LRRC8B: variants seen among roughly 807,000 people sequenced by gnomAD.
LRRC8B encodes the protein leucine rich repeat containing 8 VRAC subunit B, also known as volume-regulated anion channel subunit LRRC8B.
A neutral mutation model predicts 58.8 loss-of-function variants in LRRC8B; 23 were observed. The observed-to-expected ratio is 0.39, with a 90% CI of 0.28 to 0.55. LRRC8B has a LOEUF of 0.55. Among genes scored for constraint, LRRC8B ranks in the 20% least tolerant of loss-of-function variants. LRRC8B has a pLI of 0.62. For missense variants in LRRC8B, 694 were observed against 936.0 expected, an observed-to-expected ratio of 0.74 and a Z score of 3.37; for synonymous variants, 359 against 374.1, an observed-to-expected ratio of 0.96 and a Z score of 0.47.
intron 1 of LRRC8B, among the ~76,000 whole-genome samples, chr1:89,535,526 T>C (rs940645426): frequency 6.6e-6 from 1 of 152,150 alleles, no homozygotes; most frequent in Admixed American, 6.5e-5. Context: ...CCCTCTTTTA[T>C]AAAAACAACA....
chr1:89,568,979 C>T (rs1022755996), intron 3 of LRRC8B, among the ~76,000 whole-genome samples: 1 of 152,172 alleles, frequency 6.6e-6, no homozygotes, highest in Non-Finnish European at 1.5e-5. Flanking sequence ...TACTCTGTTG[C>T]TTTCTGCAAA....
At chr1:89,572,176 T>C (rs1653521107) in intron 3 of LRRC8B, among the ~76,000 whole-genome samples, 1 of 152,228 alleles carries the variant, frequency 6.6e-6, no homozygotes, top group Admixed American at 6.5e-5. Context: ...ACCCCTAATG[T>C]CTTCTGGCTG....
At chr1:89,552,212 GCTT>G (rs1651877130) in intron 1 of LRRC8B, among the ~76,000 whole-genome samples, 1 of 152,070 alleles carries the variant, frequency 6.6e-6, no homozygotes, top group African/African-American at 2.4e-5. Flanking sequence ...ATAATACTAA[GCTT>G]ACTCAAATCC....
At chr1:89,563,793 C>T (rs866139851) in intron 1 of LRRC8B, among the ~76,000 whole-genome samples, 57 of 152,208 alleles carry the variant, frequency 3.7e-4, no homozygotes, top group African/African-American at 1.3e-3. Flanking sequence ...TAGGTTGAAA[C>T]CATTATTATG....
At chr1:89,547,585 T>G (rs1077539) in intron 1 of LRRC8B, among the ~76,000 whole-genome samples, 79,100 of 152,108 alleles carry the variant, frequency 0.52, 20,828 homozygotes, top group South Asian at 0.58. Context: ...GCACCTGTCT[T>G]TCCTTCAAAC....
At chr1:89,571,509 G>T (rs1449494862) in intron 3 of LRRC8B, among the ~76,000 whole-genome samples, 1 of 152,174 alleles carries the variant, frequency 6.6e-6, no homozygotes, top group African/African-American at 2.4e-5. Flanking sequence ...GACTGTTGTT[G>T]GTGTATAGGA....
intron 4 of LRRC8B, among the ~76,000 whole-genome samples, chr1:89,582,272 A>G (rs761955621): frequency 9.2e-5 from 14 of 152,286 alleles, no homozygotes; most frequent in Non-Finnish European, 1.6e-4. Flanking sequence ...GCATAGGAAC[A>G]AGTTTTTCAA....
chr1:89,593,326 G>A lies in LRRC8B; in HGVS notation c.*283G>A, dbSNP rs12745943. On this transcript the variant is annotated 3_prime_UTR_variant, in exon 6 of 6. Transcript: ENST00000330947. ...AGGGAGGTGGAGGTTGCAGTGAGCC[G>A]AGATTGTGCCACTGTACACCAGCCT... The A allele has an allele frequency of 0.2, 59,139 of 302,918 alleles. 7,343 individuals carry two copies. Among genetic ancestry groups the A allele is most frequent in the Admixed American group, 0.31 (6,886 of 22,382 alleles). The allele number at this position is 302,918 out of a possible 1,614,324, so 18.8% of individuals were successfully genotyped here.
intron 1 of LRRC8B, among the ~76,000 whole-genome samples, chr1:89,539,959 A>G (rs753602978): frequency 2.6e-4 from 40 of 152,172 alleles, no homozygotes; most frequent in Non-Finnish European, 4.6e-4. Flanking sequence ...AATATTCAGC[A>G]GATATTGTGA....
In LRRC8B at chr1:89,559,389, A is replaced by G. The variant is rs1029988909; in HGVS notation, c.-240-8858A>G. 3.9e-5 allele frequency among the ~76,000 whole-genome samples: 6 copies of G among 152,170 alleles called. No homozygotes were observed. The East Asian group carries it at 1.2e-3, about 29-fold the overall frequency. ...GCCGGGTGCGGTGGCTCATGCCTGT[A>G]ATCCCAGCACTTTGGGAGGCCGAGG... On this transcript the variant is annotated intron_variant, in intron 1 of 5. Coordinates refer to ENST00000330947, the MANE Select transcript of LRRC8B (RefSeq NM_001369817.2).
At position 89,595,278 on chromosome 1, in the gene LRRC8B, A is replaced by AT. The variant is rs1655226171; in HGVS notation, c.*2241dup. On this transcript the variant is annotated 3_prime_UTR_variant, in exon 6 of 6. Coordinates refer to ENST00000330947, the MANE Select transcript of LRRC8B (RefSeq NM_001369817.2). ...ATCCATGTTTTTCGTTGTTATTTTCATTTTTTAAAGTGTGAGTTGATGTTT... is the reference window on the plus strand; with the variant it reads ...ATCCATGTTTTTCGTTGTTATTTTCATTTTTTTAAAGTGTGAGTTGATGTTT... 6.6e-6 allele frequency: 1 copy of AT among 152,092 alleles called. No homozygotes were observed. The highest frequency in any genetic ancestry group is 6.5e-5 in the Admixed American group (1 of 15,270). 9.4% of individuals were successfully genotyped at this position (152,092 alleles called of 1,614,324 possible).
intron 5 of LRRC8B, among the ~76,000 whole-genome samples, chr1:89,592,363 C>G (rs1167092047): frequency 6.6e-6 from 1 of 152,150 alleles, no homozygotes; most frequent in African/African-American, 2.4e-5. Flanking sequence ...TTACATTACA[C>G]AGTAAACTTT....
At chr1:89,534,405 C>T (rs942296089) in intron 1 of LRRC8B, among the ~76,000 whole-genome samples, 3 of 151,960 alleles carry the variant, frequency 2.0e-5, no homozygotes, top group African/African-American at 7.2e-5. Flanking sequence ...AGGAATTTTA[C>T]GTAGATCTTT....
At chr1:89,525,315 G>A (rs1426670707) in intron 1 of LRRC8B, among the ~76,000 whole-genome samples, 2 of 152,164 alleles carry the variant, frequency 1.3e-5, no homozygotes, top group African/African-American at 4.8e-5. Flanking sequence ...GCGCCGAGAC[G>A]GTCACCTCTC....
chr1:89,559,629 T>TATAC (rs1163883237), intron 1 of LRRC8B, among the ~76,000 whole-genome samples: 1 of 137,514 alleles, frequency 7.3e-6, no homozygotes, highest in Non-Finnish European at 1.6e-5. Context: ...TATATATATA[T>TATAC]ACACACACAC....
intron 1 of LRRC8B, among the ~76,000 whole-genome samples, chr1:89,534,576 A>G (rs1373779126): frequency 4.6e-5 from 7 of 152,144 alleles, no homozygotes; most frequent in Admixed American, 4.6e-4. Flanking sequence ...GCTTGTGACA[A>G]TAAGGCTCTA....
At position 89,594,795 on chromosome 1, in the gene LRRC8B, G is replaced by T. The variant is rs1655204271; in HGVS notation, c.*1752G>T. Reference sequence around the variant, plus strand: ...ATCTTTAATATGTTTTTCCCTAAGGGTCTAGGCATTATGATGCCACCTCTT... The same window carrying T: ...ATCTTTAATATGTTTTTCCCTAAGGTTCTAGGCATTATGATGCCACCTCTT... On this transcript the variant is annotated 3_prime_UTR_variant, in exon 6 of 6. Coordinates refer to ENST00000330947, the MANE Select transcript of LRRC8B (RefSeq NM_001369817.2). The T allele has an allele frequency of 6.6e-6, 1 of 152,026 alleles. No individual in the cohort carries two copies. The highest frequency in any genetic ancestry group is 2.4e-5 in the African/African-American group (1 of 41,394). 9.4% of individuals were successfully genotyped at this position (152,026 alleles called of 1,614,324 possible). A position where few individuals can be genotyped will look rare whatever the true frequency, so the allele number is the denominator to read the frequency against.
At chr1:89,570,828 AGGGTTTTTATAATTTG>A (rs1465894949) in intron 3 of LRRC8B, among the ~76,000 whole-genome samples, 3 of 152,084 alleles carry the variant, frequency 2.0e-5, no homozygotes, top group African/African-American at 7.2e-5. Flanking sequence ...GTTGTCTTCC[AGGGTTTTTATAATTTG>A]GGGTTTTTAT....
chr1:89,555,337 C>G (rs912224194), intron 1 of LRRC8B, among the ~76,000 whole-genome samples: 1 of 152,114 alleles, frequency 6.6e-6, no homozygotes, highest in African/African-American at 2.4e-5. Context: ...TTAGTCTCTG[C>G]TAAAGGATTC....
Sources: gnomAD v4.1 joint callset for allele counts (sites outside exome capture counted in the v4.1 genomes callset) on GRCh38, gnomAD v4.1.1 for gene constraint, MANE v1.5 for transcripts, NCBI Gene and HGNC (gene_info 2026-07-23, HGNC 2026-07-21) for gene names.